KREMEN1: variants seen among roughly 807,000 people sequenced by gnomAD.
KREMEN1 encodes kremen protein 1.
In KREMEN1, 30 loss-of-function variants were observed where a neutral mutation model predicts 46.5. That is an observed-to-expected ratio of 0.65 (90% CI 0.48 to 0.88). The LOEUF is 0.88. Ranked by LOEUF, KREMEN1 falls within the 40% of genes least tolerant of loss-of-function variation. The pLI, the probability that KREMEN1 is intolerant of heterozygous loss-of-function variation, is 0.00. For missense variants in KREMEN1, 533 were observed against 596.9 expected, an observed-to-expected ratio of 0.89 and a Z score of 1.11; for synonymous variants, 214 against 230.6, an observed-to-expected ratio of 0.93 and a Z score of 0.65.
intron 2 of KREMEN1, among the ~76,000 whole-genome samples, chr22:29,097,320 T>G (rs1410448040): frequency 6.6e-6 from 1 of 152,260 alleles, no homozygotes; most frequent in Non-Finnish European, 1.5e-5. Flanking sequence ...GTAGTGTTGC[T>G]TGTTATTGTT....
intron 3 of KREMEN1, among the ~76,000 whole-genome samples, chr22:29,117,480 T>C (rs2038260796): frequency 6.6e-6 from 1 of 150,894 alleles, no homozygotes; most frequent in African/African-American, 2.4e-5. Flanking sequence ...GGCAGGAGAA[T>C]GGCGTGAACC....
chr22:29,143,603 G>A lies in KREMEN1; in HGVS notation c.*1491G>A, dbSNP rs1240628466. The A allele has an allele frequency of 4.7e-6, 3 of 631,694 alleles. No homozygotes were observed. The highest frequency in any genetic ancestry group is 6.3e-5 in the Admixed American group (1 of 15,858). The allele number at this position is 631,694 out of a possible 1,614,324, so 39.1% of individuals were successfully genotyped here. A position where few individuals can be genotyped will look rare whatever the true frequency, so the allele number is the denominator to read the frequency against. On this transcript the variant is annotated 3_prime_UTR_variant, in exon 9 of 9. Transcript: ENST00000400335. ...TAAAAATACAAAAAATTAGCTGGGT[G>A]TGGTGGTGGGCGCCTGTAGTCCCAG...
At chr22:29,130,458 T>TA in intron 5 of KREMEN1, among the ~76,000 whole-genome samples, 1 of 152,228 alleles carries the variant, frequency 6.6e-6, no homozygotes, top group Admixed American at 6.5e-5. Context: ...GACTAAAAGA[T>TA]ACATCCCAGT....
At position 29,073,551 on chromosome 22, in the gene KREMEN1, C is replaced by T. The variant is rs1425693562; in HGVS notation, c.97+324C>T. On this transcript the variant is annotated intron_variant, in intron 1 of 8. Transcript: ENST00000400335. The surrounding 1 kb of genome is among the most constrained non-coding windows in gnomAD (Gnocchi z 4.4). Reference sequence around the variant, plus strand: ...TGCGACGCCCCCCGGGCTGGGACATCTTCTCTGTCTCGGGATCTGGGACCC... The same window carrying T: ...TGCGACGCCCCCCGGGCTGGGACATTTTCTCTGTCTCGGGATCTGGGACCC... 6.6e-6 allele frequency among the ~76,000 whole-genome samples: 1 copy of T among 152,132 alleles called. No homozygotes were observed. Among genetic ancestry groups the T allele is most frequent in the African/African-American group, 2.4e-5 (1 of 41,438 alleles).
At chr22:29,109,623 A>G (rs911788316) in intron 3 of KREMEN1, among the ~76,000 whole-genome samples, 3 of 152,198 alleles carry the variant, frequency 2.0e-5, no homozygotes, top group African/African-American at 7.2e-5. Flanking sequence ...GAGTGGACAA[A>G]AAGGAACCAG....
At chr22:29,160,488 C>A (rs76920278) in intron 9 of KREMEN1, among the ~76,000 whole-genome samples, 1 of 144,938 alleles carries the variant, frequency 6.9e-6, no homozygotes, top group East Asian at 2.0e-4. Flanking sequence ...TGCAGTGAGC[C>A]GAGATCATGC....
rs2038839254 is a variant in KREMEN1, at chr22:29,145,296, A to G, written c.*3184A>G. 9.1e-6 allele frequency: 9 copies of G among 985,660 alleles called. No homozygotes were observed. The highest frequency in any genetic ancestry group is 9.6e-6 in the Non-Finnish European group (8 of 830,062). The allele number at this position is 985,660 out of a possible 1,614,324, so 61.1% of individuals were successfully genotyped here. ...AAAAGAGGGTAACCCTGGGAAAGTC[A>G]GTCAGAACCCATGGCAGAAGACTGC... On this transcript the variant is annotated 3_prime_UTR_variant, in exon 9 of 9. Coordinates refer to ENST00000400335, the MANE Select transcript of KREMEN1 (RefSeq NM_001039570.3).
intron 3 of KREMEN1, among the ~76,000 whole-genome samples, chr22:29,117,626 T>C (rs2038264364): frequency 6.6e-6 from 1 of 152,094 alleles, no homozygotes; most frequent in Non-Finnish European, 1.5e-5. Flanking sequence ...AATTGTATAA[T>C]ACATAACTCT....
downstream of KREMEN1, among the ~76,000 whole-genome samples, chr22:29,149,704 A>T (rs543744191): frequency 5.9e-5 from 9 of 152,308 alleles, no homozygotes; most frequent in African/African-American, 1.9e-4. Flanking sequence ...CCCCTTTGGG[A>T]TTATGGGACA....
rs751436235 is a variant in KREMEN1, at chr22:29,142,120, A to G, written c.*8A>G. Reference sequence around the variant, plus strand: ...CCCCTTGTGAGTGACTAAAAACCCCACTGTGCCTAGGACTTGAGGTCCCTC... The same window carrying G: ...CCCCTTGTGAGTGACTAAAAACCCCGCTGTGCCTAGGACTTGAGGTCCCTC... On this transcript the variant is annotated 3_prime_UTR_variant, in exon 9 of 9. Coordinates refer to ENST00000400335, the MANE Select transcript of KREMEN1 (RefSeq NM_001039570.3). 4 of 1,585,728 alleles carry G rather than the reference A, an allele frequency of 2.5e-6. No homozygotes were observed. In the Admixed American group the frequency reaches 7.1e-5, roughly 28 times the overall value.
downstream of KREMEN1, among the ~76,000 whole-genome samples, chr22:29,148,354 G>A (rs910512242): frequency 1.3e-5 from 2 of 152,212 alleles, no homozygotes; most frequent in Non-Finnish European, 2.9e-5. Flanking sequence ...GGGATGCACT[G>A]AGGCAGTGAG....
intron 1 of KREMEN1, among the ~76,000 whole-genome samples, chr22:29,076,231 T>C (rs916527735): frequency 7.2e-5 from 11 of 152,256 alleles, no homozygotes; most frequent in South Asian, 2.1e-4. Context: ...GAATACCTTT[T>C]ATAAGTTTAT....
chr22:29,091,023 G>A (rs1462338027), intron 1 of KREMEN1, among the ~76,000 whole-genome samples: 1 of 152,070 alleles, frequency 6.6e-6, no homozygotes, highest in Non-Finnish European at 1.5e-5. Flanking sequence ...GCCCCAGCTG[G>A]AGTGCAAAGG....
At chr22:29,141,261 A>ATGTGTG (rs144907162) in intron 8 of KREMEN1, among the ~76,000 whole-genome samples, 2 of 146,452 alleles carry the variant, frequency 1.4e-5, no homozygotes, top group Non-Finnish European at 3.0e-5. Context: ...CTGCATGTGC[A>ATGTGTG]TGTGTGTGTG....
chr22:29,146,196 T>C lies in KREMEN1; in HGVS notation c.*4084T>C. The C allele has an allele frequency of 2.2e-6, 2 of 900,386 alleles. No homozygotes were observed. The highest frequency in any genetic ancestry group is 2.5e-6 in the Non-Finnish European group (2 of 800,220). The allele number at this position is 900,386 out of a possible 1,614,324, so 55.8% of individuals were successfully genotyped here. ...TTGTTCCTACCTTGGGAGTTTGGAT[T>C]GTTTCCTCTGGTGTCTTTGTTTACC... On this transcript the variant is annotated 3_prime_UTR_variant, in exon 9 of 9. Transcript: ENST00000400335.
rs1215406084 is a variant in KREMEN1 at position 29,144,760 on chromosome 22, C to G, written c.*2648C>G. Reference sequence around the variant, plus strand: ...AGTTGCCTGGGGCTGACACTGACCACTGGCCTCTGGGGTGTCCTGCAGCCC... The same window carrying G: ...AGTTGCCTGGGGCTGACACTGACCAGTGGCCTCTGGGGTGTCCTGCAGCCC... On this transcript the variant is annotated 3_prime_UTR_variant, in exon 9 of 9. Coordinates refer to ENST00000400335, the MANE Select transcript of KREMEN1 (RefSeq NM_001039570.3). 2.0e-6 allele frequency: 2 copies of G among 985,428 alleles called. No individual in the cohort carries two copies. The highest frequency in any genetic ancestry group is 2.4e-6 in the Non-Finnish European group (2 of 829,988). 61.0% of individuals were successfully genotyped at this position (985,428 alleles called of 1,614,324 possible).
chr22:29,078,499 A>AGAT (rs999655715), intron 1 of KREMEN1, among the ~76,000 whole-genome samples: 2 of 151,476 alleles, frequency 1.3e-5, no homozygotes, highest in African/African-American at 4.8e-5. Flanking sequence ...AAAAAAAAGA[A>AGAT]GAAGAAGAAG....
At chr22:29,136,488 TGGTGTGAACCCAGGAGAAGGA>T (rs1601806647) in intron 5 of KREMEN1, among the ~76,000 whole-genome samples, 1 of 150,864 alleles carries the variant, frequency 6.6e-6, no homozygotes, top group East Asian at 2.0e-4. Flanking sequence ...ACAGGAGAAT[TGGTGTGAACCCAGGAGAAGGA>T]GGTTGCAGTG....
intron 9 of KREMEN1, among the ~76,000 whole-genome samples, chr22:29,159,428 G>C (rs1176046562): frequency 2.0e-5 from 3 of 151,992 alleles, no homozygotes; most frequent in Non-Finnish European, 4.4e-5. Context: ...AGACCAGCCT[G>C]ACCAACATGG....
Sources: allele counts gnomAD v4.1 joint callset (sites outside exome capture counted in the v4.1 genomes callset), GRCh38; gene constraint gnomAD v4.1.1; non-coding constraint Gnocchi (gnomAD v3.1); transcripts MANE v1.5; gene names NCBI Gene and HGNC (gene_info 2026-07-23, HGNC 2026-07-21).